The following ROBO3 variants were observed in gnomAD, a reference collection of about 807,000 sequenced individuals.
ROBO3 encodes the protein roundabout homolog 3.
A neutral mutation model predicts 160.5 loss-of-function variants in ROBO3; 97 were observed. The observed-to-expected ratio is 0.60, with a 90% CI of 0.51 to 0.72. The LOEUF is 0.72. Among genes scored for constraint, ROBO3 ranks in the 30% least tolerant of loss-of-function variants. The probability of loss-of-function intolerance (pLI) is 0.00; values close to 1 mark genes in which losing one functional copy is unlikely to be tolerated. For synonymous variants in ROBO3, 780 were observed against 746.2 expected (o/e 1.05, Z -0.74); for missense variants, 1,858 against 1,846.5 (o/e 1.01, Z -0.11).
In ROBO3 at chr11:124,872,320, G is replaced by A. The variant is rs1178042947; in HGVS notation, c.1159-61G>A. The A allele has an allele frequency of 8.3e-6, 12 of 1,437,166 alleles. No individual in the cohort carries two copies. The highest frequency in any genetic ancestry group is 1.2e-5 in the Non-Finnish European group (12 of 1,019,662). The allele number at this position is 1,437,166 out of a possible 1,614,324, so 89.0% of individuals were successfully genotyped here. A position where few individuals can be genotyped will look rare whatever the true frequency, so the allele number is the denominator to read the frequency against. ...TGAATTTTGAGATTGACAGGAATGG[G>A]GACCTCTCCCTGCCCAGCTGCCTGC... On this transcript the variant is annotated intron_variant, in intron 7 of 27. Transcript: ENST00000397801. This position sits in a 1 kb window ranked among gnomAD's most constrained non-coding sequence, Gnocchi z 4.3.
In ROBO3 at chr11:124,876,298, G is replaced by C. The variant is rs1946367084; in HGVS notation, c.2617G>C (p.Gly873Arg). Reference sequence around the variant, plus strand: ...AGCGTCCCCGCCGGACCTGGAGCCCGGGCTGGAGGTGGGCGCGGGGCTGGC... The same window carrying C: ...AGCGTCCCCGCCGGACCTGGAGCCCCGGCTGGAGGTGGGCGCGGGGCTGGC... The part of the protein sequence containing the change: ...QLPSPPDLEP[G>R]LEVGAGLAVR... Residue 873 changes from glycine to arginine, a missense_variant, in exon 17 of 28, where the codon GGG becomes CGG. By Grantham distance (125) the Gly-to-Arg change is moderately radical. Transcript: ENST00000397801. The surrounding 1 kb of genome is among the most constrained non-coding windows in gnomAD (Gnocchi z 5.3). 1 of 1,456,978 alleles carries C rather than the reference G, an allele frequency of 6.9e-7. No individual in the cohort carries two copies. Among genetic ancestry groups the C allele is most frequent in the Non-Finnish European group, 8.9e-7 (1 of 1,117,426 alleles). 90.3% of individuals were successfully genotyped at this position (1,456,978 alleles called of 1,614,324 possible).
Position 124,873,204 on chromosome 11 carries a change from G to A in ROBO3, c.1537-106G>A. The A allele has an allele frequency of 7.2e-7, 1 of 1,398,542 alleles. No homozygotes were observed. The highest frequency in any genetic ancestry group is 9.9e-7 in the Non-Finnish European group (1 of 1,008,288). The allele number at this position is 1,398,542 out of a possible 1,614,324, so 86.6% of individuals were successfully genotyped here. On this transcript the variant is annotated intron_variant, in intron 9 of 27. Coordinates refer to ENST00000397801, the MANE Select transcript of ROBO3 (RefSeq NM_022370.4). This position sits in a 1 kb window ranked among gnomAD's most constrained non-coding sequence, Gnocchi z 4.5. ...CCATCTTTACCCCTCTGTTCTCTCAGAGCACCTAGTATCCAACATCTTCCC... is the reference window on the plus strand; with the variant it reads ...CCATCTTTACCCCTCTGTTCTCTCAAAGCACCTAGTATCCAACATCTTCCC...
chr11:124,867,266 T>A, intron 1 of ROBO3, among the ~76,000 whole-genome samples: 1 of 152,202 alleles, frequency 6.6e-6, no homozygotes, highest in East Asian at 1.9e-4. Flanking sequence ...AGCCCTTAAA[T>A]AATGGCAGAG....
In ROBO3 at chr11:124,878,107, C is replaced by G. The variant is rs2135342771; in HGVS notation, c.3157C>G (p.Pro1053Ala). ...DLGPWSQYAPPEWSQGDSGAK... is the reference protein window; with the variant it reads ...DLGPWSQYAPAEWSQGDSGAK... The stretch of plus-strand genomic sequence containing the variant: ...GGGTCCCTGGAGCCAGTACGCTCCT[C>G]CAGAGTGGAGCCAGGGGGACAGTGG... The change falls in exon 21 of 28, where the codon CCA (proline) becomes GCA (alanine). Residue 1053 changes from proline (P) to alanine (A), a missense_variant. Pro to Ala is a conservative substitution (Grantham distance 27). Coordinates refer to ENST00000397801, the MANE Select transcript of ROBO3 (RefSeq NM_022370.4). The surrounding 1 kb of genome is among the most constrained non-coding windows in gnomAD (Gnocchi z 4.3). 1.2e-6 allele frequency: 2 copies of G among 1,609,556 alleles called. No homozygotes were observed. The highest frequency in any genetic ancestry group is 4.5e-5 in the East Asian group (2 of 44,800).
At chr11:124,868,761 AT>A in intron 1 of ROBO3, 40 bp from the exon 2 acceptor site, 1 of 1,555,528 alleles carries the variant, frequency 6.4e-7, no homozygotes, top group African/African-American at 1.4e-5. Context: ...TCTCCCCACA[AT>A]TTCCCTGTCT....
rs374799875 is a variant in ROBO3 at position 124,865,761 on chromosome 11, A to C, written c.160+24A>C. The C allele has an allele frequency of 6.3e-7, 1 of 1,588,280 alleles. No homozygotes were observed. The highest frequency in any genetic ancestry group is 1.7e-5 in the Admixed American group (1 of 58,212). Reference sequence around the variant, plus strand: ...CGGTGAGACCCTGCCTCTTGGGGATATGGGATCCTGGGATGGGGATGAGGT... The same window carrying C: ...CGGTGAGACCCTGCCTCTTGGGGATCTGGGATCCTGGGATGGGGATGAGGT... On this transcript the variant is annotated intron_variant, in intron 1 of 27. Transcript: ENST00000397801. This position sits in a 1 kb window ranked among gnomAD's most constrained non-coding sequence, Gnocchi z 5.5.
chr11:124,868,523 G>T (rs1294949828), intron 1 of ROBO3: 7 of 602,688 alleles, frequency 1.2e-5, no homozygotes, highest in Non-Finnish European at 1.8e-5. Flanking sequence ...GGAGACGGAG[G>T]TCTCTAGGTG....
Position 124,869,086 on chromosome 11 carries a change from C to T in ROBO3, c.445C>T (p.Leu149=). The T allele has an allele frequency of 2.5e-6, 4 of 1,590,930 alleles. No individual in the cohort carries two copies. Among genetic ancestry groups the T allele is most frequent in the Non-Finnish European group, 3.4e-6 (4 of 1,168,520 alleles). Residue 149 remains leucine, a synonymous_variant, in exon 2 of 28, where the codon CTG becomes TTG. Coordinates refer to ENST00000397801, the MANE Select transcript of ROBO3 (RefSeq NM_022370.4). This position sits in a 1 kb window ranked among gnomAD's most constrained non-coding sequence, Gnocchi z 4.2. ...GVYTCVARNY[L]GAAASRNASL... ...CTACACTTGCGTGGCTCGCAACTAC[C>T]TGGGGGCAGCAGCGAGCAGAAACGC... is the stretch of plus-strand genomic sequence containing the variant.
Position 124,876,592 on chromosome 11 carries a change from T to A in ROBO3, c.2779+132T>A. On this transcript the variant is annotated intron_variant, in intron 17 of 27. Coordinates refer to ENST00000397801, the MANE Select transcript of ROBO3 (RefSeq NM_022370.4). The surrounding 1 kb of genome is among the most constrained non-coding windows in gnomAD (Gnocchi z 5.3). Reference sequence around the variant, plus strand: ...GGGTCGCACCTGGAGTTCAGCCTCTTGGGTAGGGGCGGGATACGTGGGGCG... The same window carrying A: ...GGGTCGCACCTGGAGTTCAGCCTCTAGGGTAGGGGCGGGATACGTGGGGCG... The A allele has an allele frequency of 1.3e-6, 1 of 745,790 alleles. No individual in the cohort carries two copies. The highest frequency in any genetic ancestry group is 1.9e-6 in the Non-Finnish European group (1 of 520,068). The allele number at this position is 745,790 out of a possible 1,614,324, so 46.2% of individuals were successfully genotyped here.
At position 124,877,927 on chromosome 11, in the gene ROBO3, T is replaced by C. The variant is rs1324382131; in HGVS notation, c.2987-10T>C. ...CTCTGCTTCCGGGCCTCCCTCTTTC[T>C]TCTCTGCAGAAGCGGGAATCTCCCT... On this transcript the variant is annotated splice_polypyrimidine_tract_variant and intron_variant, in intron 20 of 27. Transcript: ENST00000397801. 6.3e-7 allele frequency: 1 copy of C among 1,581,670 alleles called. No individual in the cohort carries two copies. The highest frequency in any genetic ancestry group is 8.6e-7 in the Non-Finnish European group (1 of 1,157,996).
At chr11:124,870,919 C>G in intron 6 of ROBO3, 95 bp from the exon 7 acceptor site, 2 of 1,546,204 alleles carry the variant, frequency 1.3e-6, no homozygotes, top group Admixed American at 3.5e-5. Context: ...CTCCTGTACA[C>G]TTGAGCTAAG....
At position 124,875,970 on chromosome 11, in the gene ROBO3, A is replaced by G. The variant is rs750205129; in HGVS notation, c.2438A>G (p.Asn813Ser). ...ITEYQIWCLG[N>S]ESRFHLNRSA... ...CCTCCCTAGATCTGGTGCCTGGGCA[A>G]TGAGAGCCGCTTTCACCTCAATCGA... The change falls in exon 16 of 28, where the codon AAT becomes AGT. Residue 813 changes from asparagine (N) to serine (S), a missense_variant. Asn to Ser is a conservative substitution (Grantham distance 46, BLOSUM62 1). Coordinates refer to ENST00000397801, the MANE Select transcript of ROBO3 (RefSeq NM_022370.4). 8 of 1,599,224 alleles carry G rather than the reference A, an allele frequency of 5.0e-6. No individual in the cohort carries two copies. Among genetic ancestry groups the G allele is most frequent in the Non-Finnish European group, 8.5e-7 (1 of 1,173,130 alleles).
chr11:124,872,461 GGTGCAGCGTGGGGATGCTGGGTACTAC>G lies in ROBO3; in HGVS notation c.1243_1269del (p.Gln415_Val423del). The G allele has an allele frequency of 1.2e-6, 2 of 1,613,968 alleles. No individual in the cohort carries two copies. The highest frequency in any genetic ancestry group is 1.7e-6 in the Non-Finnish European group (2 of 1,179,884). ...CAAGAGGCCAACTTAACATCACCGC[GGTGCAGCGTGGGGATGCTGGGTACTAC>G]GTGTGCCAGGCTGTCAGTGTGGCTG... On this transcript the variant is annotated inframe_deletion, in exon 8 of 28. Transcript: ENST00000397801. This position sits in a 1 kb window ranked among gnomAD's most constrained non-coding sequence, Gnocchi z 4.3.
intron 7 of ROBO3, among the ~76,000 whole-genome samples, 185 bp downstream of exon 7, chr11:124,871,323 G>C (rs1946277992): frequency 6.6e-6 from 1 of 152,224 alleles, no homozygotes. Context: ...AACACATTGG[G>C]ACACTTTTTA....
Position 124,876,471 on chromosome 11 carries a change from G to A in ROBO3, c.2779+11G>A. Reference sequence around the variant, plus strand: ...TCAGCCACTACACGGGTGAGCTCCCGGCCTCGGAGCGGACGGATCCGGGAG... The same window carrying A: ...TCAGCCACTACACGGGTGAGCTCCCAGCCTCGGAGCGGACGGATCCGGGAG... On this transcript the variant is annotated intron_variant, in intron 17 of 27. Coordinates refer to ENST00000397801, the MANE Select transcript of ROBO3 (RefSeq NM_022370.4). This position sits in a 1 kb window ranked among gnomAD's most constrained non-coding sequence, Gnocchi z 5.3. 2 of 1,378,430 alleles carry A rather than the reference G, an allele frequency of 1.5e-6. No homozygotes were observed. The highest frequency in any genetic ancestry group is 3.0e-5 in the African/African-American group (2 of 65,934). The allele number at this position is 1,378,430 out of a possible 1,614,324, so 85.4% of individuals were successfully genotyped here. A position where few individuals can be genotyped will look rare whatever the true frequency, so the allele number is the denominator to read the frequency against.
Position 124,877,551 on chromosome 11 carries a change from C to T in ROBO3, c.2879C>T (p.Ser960Leu), listed in dbSNP as rs539782442. 3.9e-5 allele frequency: 63 copies of T among 1,601,490 alleles called. No individual in the cohort carries two copies. In the East Asian group the frequency reaches 1.1e-3, roughly 28 times the overall value. The part of the protein sequence containing the change: ...PPMGLGPAPY[S>L]WLADSWPHPS... ...ATGGGCCTTGGCCCCGCCCCCTACT[C>T]ATGGCTGGCAGATTCGTGGCCCCAC... The change falls in exon 20 of 28, where the codon TCA becomes TTA. Residue 960 changes from serine (S) to leucine (L), a missense_variant. Coordinates refer to ENST00000397801, the MANE Select transcript of ROBO3 (RefSeq NM_022370.4).
Position 124,872,594 on chromosome 11 carries a change from G to C in ROBO3, c.1330+42G>C. On this transcript the variant is annotated intron_variant, in intron 8 of 27. Transcript: ENST00000397801. The surrounding 1 kb of genome is among the most constrained non-coding windows in gnomAD (Gnocchi z 4.3). ...ATAGGACTGGATCCATGGCTTGGGA[G>C]GAAATAATGGCCTAAAGTGATGTGT... 6.4e-7 allele frequency: 1 copy of C among 1,567,832 alleles called. No homozygotes were observed. The highest frequency in any genetic ancestry group is 1.1e-5 in the South Asian group (1 of 87,620).
rs929962802 is a variant in ROBO3, at chr11:124,876,087, G to C, written c.2555G>C (p.Gly852Ala). The part of the protein sequence containing the change: ...RTLVAAATSA[G>A]VGVPSAPVLV... ...CTGGTCGCGGCGGCCACCAGCGCAGGCGTGGGCGTGCCCAGTGCCCCAGTG... is the reference window on the plus strand; with the variant it reads ...CTGGTCGCGGCGGCCACCAGCGCAGCCGTGGGCGTGCCCAGTGCCCCAGTG... The change falls in exon 16 of 28, where the codon GGC becomes GCC. Residue 852 changes from glycine to alanine, a missense_variant. Physicochemically the swap from Gly to Ala is moderately conservative, Grantham distance 60 (BLOSUM62 0). Transcript: ENST00000397801. This position sits in a 1 kb window ranked among gnomAD's most constrained non-coding sequence, Gnocchi z 5.3. 8 of 1,608,096 alleles carry C rather than the reference G, an allele frequency of 5.0e-6. No individual in the cohort carries two copies. In the East Asian group the frequency reaches 1.1e-4, roughly 22 times the overall value.
In ROBO3 at chr11:124,879,901, C is replaced by T. The variant is rs772718098; in HGVS notation, c.3911C>T (p.Ala1304Val). 2.4e-5 allele frequency: 39 copies of T among 1,607,378 alleles called. No homozygotes were observed. Among genetic ancestry groups the T allele is most frequent in the Admixed American group, 3.4e-5 (2 of 59,152 alleles). The change falls in exon 26 of 28, where the codon GCG (alanine) becomes GTG (valine). Residue 1304 changes from alanine to valine, a missense_variant. Physicochemically the swap from Ala to Val is moderately conservative, Grantham distance 64. Transcript: ENST00000397801. ...LERERSGERK[A>V]VQAVPLAAQR... ...CGGGAGCGCAGTGGGGAGAGGAAAG[C>T]GGTCCAGGCCGTGCCCCTGGCAGCC... is the stretch of plus-strand genomic sequence containing the variant.
Sources: gnomAD v4.1 joint callset for allele counts (sites outside exome capture counted in the v4.1 genomes callset) on GRCh38, gnomAD v4.1.1 for gene constraint, Gnocchi (gnomAD v3.1) non-coding constraint, MANE v1.5 for transcripts, NCBI Gene and HGNC (gene_info 2026-07-23, HGNC 2026-07-21) for gene names.